The following GALNT10 variants were observed in gnomAD, a reference collection of about 807,000 sequenced individuals.
The protein encoded by GALNT10 is polypeptide N-acetylgalactosaminyltransferase 10.
GALNT10 carries 41 observed loss-of-function variants against 75.0 expected under a neutral mutation model. The ratio of observed to expected loss-of-function variants is 0.55; its 90% CI spans 0.43 to 0.71. The LOEUF is 0.71. GALNT10 is among the 30% of genes least tolerant of loss of function. GALNT10 has a pLI of 0.00. For synonymous variants in GALNT10, 302 were observed against 313.0 expected (o/e 0.96, Z 0.37); for missense variants, 727 against 818.5 (o/e 0.89, Z 1.36).
intron 3 of GALNT10, among the ~76,000 whole-genome samples, chr5:154,304,375 A>G (rs1754400490): frequency 6.6e-6 from 1 of 152,222 alleles, no homozygotes; most frequent in South Asian, 2.1e-4. Flanking sequence ...CAAAGCAGCC[A>G]GAGAAATAAA....
At chr5:154,328,905 A>G (rs1198044721) in intron 3 of GALNT10, among the ~76,000 whole-genome samples, 3 of 152,174 alleles carry the variant, frequency 2.0e-5, no homozygotes, top group Admixed American at 2.0e-4. Context: ...ATTCTTGTGG[A>G]GGCCTCATCA....
chr5:154,321,227 T>A (rs1162218116), intron 3 of GALNT10, among the ~76,000 whole-genome samples: 1 of 152,186 alleles, frequency 6.6e-6, no homozygotes, highest in Admixed American at 6.5e-5. Context: ...ATTTTGACAG[T>A]TGAACAGTAG....
At chr5:154,386,240 G>A in intron 6 of GALNT10, 73 bp from the exon 7 acceptor site, 1 of 1,045,996 alleles carries the variant, frequency 9.6e-7, no homozygotes, top group Non-Finnish European at 1.5e-6. Flanking sequence ...TGGGGGAATG[G>A]CATTATCGGG....
At chr5:154,204,694 T>C (rs886159812) in intron 1 of GALNT10, among the ~76,000 whole-genome samples, 3 of 152,170 alleles carry the variant, frequency 2.0e-5, no homozygotes, top group African/African-American at 7.2e-5. Context: ...CTCCTCATCT[T>C]TTAGGTCTTG....
chr5:154,332,068 C>G (rs72795416), intron 4 of GALNT10, among the ~76,000 whole-genome samples: 3,291 of 152,272 alleles, frequency 0.022, 50 homozygotes, highest in Non-Finnish European at 0.031. Flanking sequence ...TCCCTCTCTT[C>G]TGCTTTCTGT....
chr5:154,373,910 A>G (rs1183472219), intron 4 of GALNT10, among the ~76,000 whole-genome samples: 1 of 152,172 alleles, frequency 6.6e-6, no homozygotes, highest in Non-Finnish European at 1.5e-5. Flanking sequence ...AGGGGCCTCA[A>G]TGATTAGAGC....
chr5:154,215,643 TCTC>T (rs1752854624), intron 1 of GALNT10, among the ~76,000 whole-genome samples: 1 of 152,176 alleles, frequency 6.6e-6, no homozygotes, highest in Non-Finnish European at 1.5e-5. Flanking sequence ...TGATTTTCCT[TCTC>T]CTGAAGATAG....
rs189566080 is a variant in GALNT10 at position 154,415,046 on chromosome 5, C to A, written c.1504-737C>A. Among the ~76,000 whole-genome samples the A allele has an allele frequency of 2.8e-4, 42 of 152,136 alleles. 1 individual carries two copies. In the East Asian group the frequency reaches 6.8e-3, roughly 25 times the overall value. On this transcript the variant is annotated intron_variant, in intron 10 of 11. Coordinates refer to ENST00000297107, the MANE Select transcript of GALNT10 (RefSeq NM_198321.4). ...GCTGAGGCAGGAGAATTGGTTGAAC[C>A]CAGGAGGTGGAGGTTGCAGTGAGCC... is the stretch of plus-strand genomic sequence containing the variant.
chr5:154,332,859 T>C (rs1754888199), intron 4 of GALNT10, among the ~76,000 whole-genome samples: 1 of 152,158 alleles, frequency 6.6e-6, no homozygotes, highest in South Asian at 2.1e-4. Context: ...TGCCCTGGGG[T>C]TGGGCTTGTA....
In GALNT10 at chr5:154,399,187, C is replaced by G. The variant is rs151029544; in HGVS notation, c.1057-4917C>G. ...AGGCTGCAGTGTCTGCAGTGTCTGTCTGGGTCTTGGATGGTCACTACCTCT... is the reference window on the plus strand; with the variant it reads ...AGGCTGCAGTGTCTGCAGTGTCTGTGTGGGTCTTGGATGGTCACTACCTCT... On this transcript the variant is annotated intron_variant, in intron 7 of 11. Transcript: ENST00000297107. 9.5e-3 allele frequency among the ~76,000 whole-genome samples: 1,453 copies of G among 152,264 alleles called. 22 individuals are homozygous for G. Among genetic ancestry groups the G allele is most frequent in the Non-Finnish European group, 0.011 (758 of 68,016 alleles).
At chr5:154,213,738 T>C (rs547347802) in intron 1 of GALNT10, among the ~76,000 whole-genome samples, 3 of 152,242 alleles carry the variant, frequency 2.0e-5, no homozygotes, top group South Asian at 2.1e-4. Context: ...GGTGCCACCA[T>C]GCTGGCTAGT....
At chr5:154,211,718 C>T (rs377254211) in intron 1 of GALNT10, among the ~76,000 whole-genome samples, 16 of 152,154 alleles carry the variant, frequency 1.1e-4, no homozygotes, top group South Asian at 2.1e-4. Flanking sequence ...AAGTCTCAAC[C>T]GGAGCCGGTT....
In GALNT10 at chr5:154,298,369, T is replaced by G. The variant is rs1754312484; in HGVS notation, c.401+290T>G. Among the ~76,000 whole-genome samples the G allele has an allele frequency of 6.6e-6, 1 of 152,130 alleles. No homozygotes were observed. Among genetic ancestry groups the G allele is most frequent in the African/African-American group, 2.4e-5 (1 of 41,416 alleles). On this transcript the variant is annotated intron_variant, in intron 3 of 11. Coordinates refer to ENST00000297107, the MANE Select transcript of GALNT10 (RefSeq NM_198321.4). This position sits in a 1 kb window ranked among gnomAD's most constrained non-coding sequence, Gnocchi z 4.1. The stretch of plus-strand genomic sequence containing the variant: ...CCCCAGTGTAGACGACAAGTTGTCA[T>G]GCAGTTTTTAACTTTCATTCTCTTC...
chr5:154,380,080 T>A (rs1164403609), intron 5 of GALNT10, among the ~76,000 whole-genome samples: 1 of 152,176 alleles, frequency 6.6e-6, no homozygotes, highest in Non-Finnish European at 1.5e-5. Flanking sequence ...GAAATCAATC[T>A]TTTTCCATAG....
intron 4 of GALNT10, among the ~76,000 whole-genome samples, chr5:154,373,196 G>T (rs1581997476): frequency 6.6e-6 from 1 of 152,138 alleles, no homozygotes; most frequent in Non-Finnish European, 1.5e-5. Flanking sequence ...TTTGGTGAAG[G>T]CAGGTTGTCA....
At chr5:154,233,709 C>T (rs1318148507) in intron 1 of GALNT10, among the ~76,000 whole-genome samples, 2 of 152,140 alleles carry the variant, frequency 1.3e-5, no homozygotes, top group Non-Finnish European at 2.9e-5. Context: ...TGTCGAGTGG[C>T]TGCCATGTTT....
intron 4 of GALNT10, among the ~76,000 whole-genome samples, chr5:154,373,072 A>G (rs1755599414): frequency 6.6e-6 from 1 of 152,310 alleles, no homozygotes; most frequent in Non-Finnish European, 1.5e-5. Flanking sequence ...GCTGTGTCAG[A>G]CGCTGAGGCA....
At chr5:154,213,033 A>G (rs929818237) in intron 1 of GALNT10, among the ~76,000 whole-genome samples, 5 of 151,636 alleles carry the variant, frequency 3.3e-5, no homozygotes, top group African/African-American at 4.8e-5. Context: ...CAACGCTTCT[A>G]CTTTAGAGCT....
intron 1 of GALNT10, among the ~76,000 whole-genome samples, chr5:154,287,024 T>C (rs952567229): frequency 3.3e-5 from 5 of 152,190 alleles, no homozygotes; most frequent in Admixed American, 6.5e-5. Flanking sequence ...GACTGTGGGG[T>C]ACCAGAATGA....
Sources: gnomAD v4.1 joint callset for allele counts (sites outside exome capture counted in the v4.1 genomes callset) on GRCh38, gnomAD v4.1.1 for gene constraint, Gnocchi (gnomAD v3.1) non-coding constraint, MANE v1.5 for transcripts, NCBI Gene and HGNC (gene_info 2026-07-23, HGNC 2026-07-21) for gene names.